The following PRKN variants were observed in gnomAD, a reference collection of about 807,000 sequenced individuals.
The protein encoded by PRKN is parkin RBR E3 ubiquitin protein ligase, also known as E3 ubiquitin-protein ligase parkin.
In PRKN, 56 loss-of-function variants were observed where a neutral mutation model predicts 59.5. That is an observed-to-expected ratio of 0.94 (90% CI 0.76 to 1.18). The LOEUF (loss-of-function observed/expected upper bound fraction) is 1.18. Ranked by LOEUF, PRKN falls within the 50% of genes most tolerant of loss-of-function variation. The pLI, the probability that PRKN is intolerant of heterozygous loss-of-function variation, is 0.00. For synonymous variants in PRKN, 250 were observed against 222.1 expected, an observed-to-expected ratio of 1.13 and a Z score of -1.12; for missense variants, 657 against 596.4, an observed-to-expected ratio of 1.10 and a Z score of -1.06.
At position 161,460,665 on chromosome 6, in the gene PRKN, A is replaced by G. The variant is rs562111839; in HGVS notation, c.1084-73788T>C. Among the ~76,000 whole-genome samples the G allele has an allele frequency of 6.6e-6, 1 of 152,160 alleles. No individual in the cohort carries two copies. Among genetic ancestry groups the G allele is most frequent in the Non-Finnish European group, 1.5e-5 (1 of 68,008 alleles). ...ATCGCCGTGAGCATGACTTCCAGGG[A>G]TGTCCACAGCTGTGGCTTCTCCCAG... is the stretch of plus-strand genomic sequence containing the variant. On this transcript the variant is annotated intron_variant, in intron 9 of 11. Coordinates refer to ENST00000366898, the MANE Select transcript of PRKN (RefSeq NM_004562.3). This position sits in a 1 kb window ranked among gnomAD's most constrained non-coding sequence, Gnocchi z 5.0.
chr6:161,863,156 C>T (rs1203134994), intron 6 of PRKN, among the ~76,000 whole-genome samples: 3 of 152,050 alleles, frequency 2.0e-5, no homozygotes, highest in Non-Finnish European at 4.4e-5. Flanking sequence ...GGATATTCTT[C>T]TCTATAATGC....
At chr6:161,757,507 C>T (rs1788976959) in intron 7 of PRKN, among the ~76,000 whole-genome samples, 1 of 151,946 alleles carries the variant, frequency 6.6e-6, no homozygotes, top group Non-Finnish European at 1.5e-5. Context: ...ACAGGCACTT[C>T]ACCAAAGAAA....
At chr6:162,073,695 G>A (rs1458090634) in intron 4 of PRKN, among the ~76,000 whole-genome samples, 1 of 152,176 alleles carries the variant, frequency 6.6e-6, no homozygotes, top group Non-Finnish European at 1.5e-5. Context: ...CAAGCAACCT[G>A]CCTGCCTTGG....
chr6:161,498,274 A>G lies in PRKN; in HGVS notation c.1083+50580T>C, dbSNP rs966370011. The stretch of plus-strand genomic sequence containing the variant: ...GAGTGTATTAATTAATAAATGGAAT[A>G]TTTAGCTTTTTATAATTAGTGTTTG... On this transcript the variant is annotated intron_variant, in intron 9 of 11. Transcript: ENST00000366898. This position sits in a 1 kb window ranked among gnomAD's most constrained non-coding sequence, Gnocchi z 4.2. Among the ~76,000 whole-genome samples the G allele has an allele frequency of 4.6e-5, 7 of 152,172 alleles. No homozygotes were observed. Among genetic ancestry groups the G allele is most frequent in the Non-Finnish European group, 1.5e-5 (1 of 68,028 alleles).
At chr6:162,690,178 G>T (rs549890953) in intron 1 of PRKN, among the ~76,000 whole-genome samples, 2 of 151,646 alleles carry the variant, frequency 1.3e-5, no homozygotes, top group African/African-American at 2.4e-5. Context: ...GAGTAACCTC[G>T]CTTTAGCTAA....
intron 2 of PRKN, among the ~76,000 whole-genome samples, chr6:162,372,822 C>T (rs1194026674): frequency 3.3e-5 from 5 of 152,114 alleles, no homozygotes; most frequent in South Asian, 2.1e-4. Flanking sequence ...CACTAAAGCC[C>T]GTGTATCTTT....
At chr6:162,010,175 A>G (rs2128267590) in intron 5 of PRKN, among the ~76,000 whole-genome samples, 1 of 143,356 alleles carries the variant, frequency 7.0e-6, no homozygotes, top group East Asian at 2.0e-4. Flanking sequence ...TCGCAGAATC[A>G]ATCAATTTGC....
chr6:162,287,835 T>A (rs993948961), intron 2 of PRKN, among the ~76,000 whole-genome samples: 1 of 152,152 alleles, frequency 6.6e-6, no homozygotes, highest in Admixed American at 6.5e-5. Context: ...AAGCCTAATG[T>A]AGAATTCGCA....
At chr6:162,350,775 C>G (rs1030140702) in intron 2 of PRKN, among the ~76,000 whole-genome samples, 1 of 151,940 alleles carries the variant, frequency 6.6e-6, no homozygotes, top group Non-Finnish European at 1.5e-5. Flanking sequence ...CACTTTTTAG[C>G]TAAGATCCCC....
intron 7 of PRKN, among the ~76,000 whole-genome samples, chr6:161,666,835 G>C (rs1006288604): frequency 1.3e-5 from 2 of 152,150 alleles, no homozygotes; most frequent in Non-Finnish European, 2.9e-5. Context: ...ACTTTGGAAT[G>C]GCCAGGGAGT....
intron 1 of PRKN, among the ~76,000 whole-genome samples, chr6:162,592,191 G>A (rs1261360154): frequency 1.3e-5 from 2 of 152,084 alleles, no homozygotes; most frequent in Non-Finnish European, 2.9e-5. Context: ...TAGAGACGAG[G>A]TTTCACCATG....
intron 1 of PRKN, among the ~76,000 whole-genome samples, chr6:162,469,490 G>GTA (rs903254853): frequency 5.5e-5 from 7 of 127,188 alleles, no homozygotes; most frequent in Non-Finnish European, 1.0e-4. Context: ...AGAAACTGTG[G>GTA]TATGTGTGTG....
In PRKN at chr6:161,451,925, T is replaced by G. The variant is rs1333825312; in HGVS notation, c.1084-65048A>C. On this transcript the variant is annotated intron_variant, in intron 9 of 11. Coordinates refer to ENST00000366898, the MANE Select transcript of PRKN (RefSeq NM_004562.3). The surrounding 1 kb of genome is among the most constrained non-coding windows in gnomAD (Gnocchi z 5.9). ...ATTTAAGACATTCTTTTTTTTCTTT[T>G]TTCTTTTCTTTTCTTTTACTTTTTT... 6.8e-6 allele frequency among the ~76,000 whole-genome samples: 1 copy of G among 146,828 alleles called. No homozygotes were observed. Among genetic ancestry groups the G allele is most frequent in the Non-Finnish European group, 1.5e-5 (1 of 67,970 alleles).
At chr6:161,897,931 C>G (rs9365343) in intron 6 of PRKN, among the ~76,000 whole-genome samples, 34,719 of 124,374 alleles carry the variant, frequency 0.28, 5,452 homozygotes, top group East Asian at 0.5. Context: ...CGCGCCACTG[C>G]ACTCCAGCCT....
At chr6:162,362,437 G>A (rs1785192225) in intron 2 of PRKN, among the ~76,000 whole-genome samples, 1 of 152,080 alleles carries the variant, frequency 6.6e-6, no homozygotes, top group Non-Finnish European at 1.5e-5. Context: ...GATATTTGGG[G>A]GTGGGAGGTG....
chr6:162,280,510 G>A (rs1426990345), intron 2 of PRKN, among the ~76,000 whole-genome samples: 1 of 152,000 alleles, frequency 6.6e-6, no homozygotes, highest in African/African-American at 2.4e-5. Context: ...AAGCTAAAAG[G>A]CCAGGCATGG....
rs1183803063 is a variant in PRKN at position 161,466,216 on chromosome 6, C to T, written c.1084-79339G>A. Among the ~76,000 whole-genome samples the T allele has an allele frequency of 1.3e-5, 2 of 152,186 alleles. No individual in the cohort carries two copies. Among genetic ancestry groups the T allele is most frequent in the East Asian group, 1.9e-4 (1 of 5,198 alleles). ...ATTTGAACAGTTTATATTGACCGCT[C>T]TTCAAGATCATTGATACTTACCTCT... On this transcript the variant is annotated intron_variant, in intron 9 of 11. Coordinates refer to ENST00000366898, the MANE Select transcript of PRKN (RefSeq NM_004562.3). This position sits in a 1 kb window ranked among gnomAD's most constrained non-coding sequence, Gnocchi z 5.0.
chr6:162,272,495 G>A (rs991649461), intron 2 of PRKN, among the ~76,000 whole-genome samples: 2 of 151,950 alleles, frequency 1.3e-5, no homozygotes, highest in African/African-American at 2.4e-5. Context: ...CTGGGGTCAG[G>A]GTTTGAGAGC....
At chr6:161,860,460 A>C (rs2186803) in intron 6 of PRKN, among the ~76,000 whole-genome samples, 75,066 of 151,712 alleles carry the variant, frequency 0.49, 18,743 homozygotes, top group East Asian at 0.74. Flanking sequence ...CAGATTTTAC[A>C]ATATTTGCGA....
Sources: allele counts gnomAD v4.1 joint callset (sites outside exome capture counted in the v4.1 genomes callset), GRCh38; gene constraint gnomAD v4.1.1; non-coding constraint Gnocchi (gnomAD v3.1); transcripts MANE v1.5; gene names NCBI Gene and HGNC (gene_info 2026-07-23, HGNC 2026-07-21).